PLCG2: variants seen among roughly 807,000 people sequenced by gnomAD.
The protein encoded by PLCG2 is 1-phosphatidylinositol 4,5-bisphosphate phosphodiesterase gamma-2.
PLCG2 carries 69 observed loss-of-function variants against 175.6 expected under a neutral mutation model. That is an observed-to-expected ratio of 0.39 (90% CI 0.32 to 0.48). PLCG2 has a LOEUF of 0.48. PLCG2 is among the 20% of genes least tolerant of loss of function. The pLI is 0.91. For synonymous variants in PLCG2, 827 were observed against 624.0 expected (o/e 1.33, Z -4.85); for missense variants, 1,798 against 1,650.9 (o/e 1.09, Z -1.54).
At chr16:81,850,029 G>A (rs1906326329) in intron 2 of PLCG2, among the ~76,000 whole-genome samples, 1 of 152,198 alleles carries the variant, frequency 6.6e-6, no homozygotes. Flanking sequence ...CCAGTGCCTA[G>A]TGTCTTTAAA....
At position 81,958,080 on chromosome 16, in the gene PLCG2, G is replaced by C. The variant is rs752317828; in HGVS notation, c.*82G>C. ...GGAGAACGTGCCCTATTCACACTCT[G>C]GGAAGACGCTAATCTGTGACATCTT... On this transcript the variant is annotated 3_prime_UTR_variant, in exon 33 of 33. Transcript: ENST00000564138. The C allele has an allele frequency of 2.6e-4, 246 of 953,156 alleles. No individual in the cohort carries two copies. Among genetic ancestry groups the C allele is most frequent in the Non-Finnish European group, 3.8e-4 (219 of 583,810 alleles). The allele number at this position is 953,156 out of a possible 1,614,324, so 59.0% of individuals were successfully genotyped here.
intron 2 of PLCG2, among the ~76,000 whole-genome samples, chr16:81,832,558 TTG>T (rs139075792): frequency 6.6e-6 from 1 of 151,846 alleles, no homozygotes; most frequent in South Asian, 2.1e-4. Context: ...CCCAGCTAAT[TTG>T]TGTGTGTGTG....
chr16:81,936,564 C>G (rs1420923090), intron 27 of PLCG2, among the ~76,000 whole-genome samples, 186 bp downstream of exon 27: 1 of 152,146 alleles, frequency 6.6e-6, no homozygotes. Flanking sequence ...GATGAGAGGA[C>G]CGAAGGCTGC....
chr16:81,882,988 C>T (rs998086484), intron 8 of PLCG2, among the ~76,000 whole-genome samples: 10 of 152,106 alleles, frequency 6.6e-5, no homozygotes, highest in Non-Finnish European at 1.2e-4. Flanking sequence ...TGGAGGGGCT[C>T]CTCAGACTCT....
At chr16:81,796,114 G>C (rs1239477000) in intron 2 of PLCG2, among the ~76,000 whole-genome samples, 1 of 152,206 alleles carries the variant, frequency 6.6e-6, no homozygotes, top group Non-Finnish European at 1.5e-5. Context: ...TCTCATCGCT[G>C]GGCTGCATGG....
At chr16:81,897,421 A>T (rs1273712733) in intron 13 of PLCG2, among the ~76,000 whole-genome samples, 1 of 152,222 alleles carries the variant, frequency 6.6e-6, no homozygotes, top group Non-Finnish European at 1.5e-5. Context: ...TGTGCACCTC[A>T]CAGGGCGGTT....
At chr16:81,870,811 G>C in intron 6 of PLCG2, 41 bp from the exon 7 acceptor site, 1 of 1,047,200 alleles carries the variant, frequency 9.5e-7, no homozygotes, top group Admixed American at 2.2e-5. Flanking sequence ...TTCTTACGGT[G>C]GACATCAAAA....
intron 2 of PLCG2, among the ~76,000 whole-genome samples, chr16:81,802,173 C>T (rs564032092): frequency 7.3e-5 from 9 of 123,112 alleles, no homozygotes; most frequent in East Asian, 5.5e-4. Context: ...AGTGCAGTGG[C>T]GCTATCTTGG....
intron 9 of PLCG2, chr16:81,883,672 C>G (rs1000834876): frequency 2.8e-6 from 1 of 353,906 alleles, no homozygotes; most frequent in African/African-American, 2.1e-5. Context: ...GCTGGGTGCA[C>G]CTTTTCTGGC....
Position 81,870,934 on chromosome 16 carries a change from C to T in PLCG2, c.647C>T (p.Ser216Leu), listed in dbSNP as rs201294738. ...AAACTTATGTTTGAACAGCAAAAATCGGTAAGATGATTCTTGAGCAAGTGA... is the reference window on the plus strand; with the variant it reads ...AAACTTATGTTTGAACAGCAAAAATTGGTAAGATGATTCTTGAGCAAGTGA... The part of the protein sequence containing the change: ...YKKLMFEQQK[S>L]ILDEFKKDSS... Residue 216 changes from serine to leucine, a missense_variant and splice_region_variant, in exon 7 of 33, where the codon TCG becomes TTG. Ser to Leu is a moderately radical substitution (Grantham distance 145). Transcript: ENST00000564138. 88 of 1,532,710 alleles carry T rather than the reference C, an allele frequency of 5.7e-5. 1 individual carries two copies. The African/African-American group carries it at 6.7e-4, about 12-fold the overall frequency. 94.9% of individuals were successfully genotyped at this position (1,532,710 alleles called of 1,614,324 possible). A position where few individuals can be genotyped will look rare whatever the true frequency, so the allele number is the denominator to read the frequency against.
intron 5 of PLCG2, among the ~76,000 whole-genome samples, chr16:81,863,404 T>C (rs924718706): frequency 1.3e-5 from 2 of 152,270 alleles, no homozygotes; most frequent in Admixed American, 6.5e-5. Context: ...GGCTGAATAA[T>C]ATTCCATTGT....
intron 2 of PLCG2, among the ~76,000 whole-genome samples, chr16:81,769,692 C>T (rs1301911188): frequency 1.3e-5 from 2 of 150,622 alleles, no homozygotes; most frequent in African/African-American, 4.9e-5. Flanking sequence ...TAGTGGCGGG[C>T]GCCTGTAGTC....
chr16:81,782,778 G>A (rs531940923), intron 1 of PLCG2, among the ~76,000 whole-genome samples: 23 of 152,236 alleles, frequency 1.5e-4, no homozygotes, highest in Non-Finnish European at 3.2e-4. Context: ...ATGGGGCACA[G>A]GCAAATACTT....
At chr16:81,747,460 G>A (rs774303744) in intron 1 of PLCG2, among the ~76,000 whole-genome samples, 1 of 152,236 alleles carries the variant, frequency 6.6e-6, no homozygotes, top group East Asian at 1.9e-4. Flanking sequence ...CCTTGAACCC[G>A]GGAGGTGGAG....
chr16:81,814,510 T>C (rs1028606376), intron 2 of PLCG2, among the ~76,000 whole-genome samples: 4 of 151,950 alleles, frequency 2.6e-5, no homozygotes, highest in Non-Finnish European at 4.4e-5. Flanking sequence ...CTGGCCAAAA[T>C]GGTGAAATCC....
intron 5 of PLCG2, among the ~76,000 whole-genome samples, chr16:81,859,730 G>T (rs1031262956): frequency 1.3e-5 from 2 of 152,040 alleles, no homozygotes; most frequent in Non-Finnish European, 2.9e-5. Context: ...TAGAGACAGG[G>T]TTTCACCATG....
At chr16:81,793,031 A>G (rs1911308734) in intron 2 of PLCG2, among the ~76,000 whole-genome samples, 1 of 152,242 alleles carries the variant, frequency 6.6e-6, no homozygotes, top group Non-Finnish European at 1.5e-5. Flanking sequence ...GAAATATTGC[A>G]TAATCGAAAC....
chr16:81,822,568 C>T (rs571825469), intron 2 of PLCG2, among the ~76,000 whole-genome samples: 17 of 151,972 alleles, frequency 1.1e-4, no homozygotes, highest in Middle Eastern at 3.4e-3. Flanking sequence ...ACCAGCCTGG[C>T]CAATATGGCG....
At chr16:81,824,248 C>G (rs568004367) in intron 2 of PLCG2, among the ~76,000 whole-genome samples, 7 of 151,890 alleles carry the variant, frequency 4.6e-5, no homozygotes, top group Non-Finnish European at 7.4e-5. Context: ...ATTCTCCTCC[C>G]TCAGCCTCCC....
Sources: gnomAD v4.1 joint callset for allele counts (sites outside exome capture counted in the v4.1 genomes callset) on GRCh38, gnomAD v4.1.1 for gene constraint, MANE v1.5 for transcripts, NCBI Gene and HGNC (gene_info 2026-07-23, HGNC 2026-07-21) for gene names.